The following DET1 variants were observed in gnomAD, a reference collection of about 807,000 sequenced individuals.
The protein encoded by DET1 is DET1 homolog.
DET1 carries 22 observed loss-of-function variants against 43.7 expected under a neutral mutation model. The observed-to-expected ratio is 0.50, with a 90% CI of 0.36 to 0.72. The LOEUF is 0.72. DET1 is among the 30% of genes least tolerant of loss of function. The pLI is 0.00. For missense variants in DET1, 713 were observed against 713.3 expected (o/e 1.00, Z 0.00); for synonymous variants, 315 against 266.2 (o/e 1.18, Z -1.79).
rs757902237 is a variant in DET1, at chr15:88,513,057, C to T, written c.1547G>A (p.Arg516His). Residue 516 changes from arginine (R) to histidine (H), a missense_variant, in exon 5 of 5, where the codon CGC becomes CAC. By Grantham distance (29) the Arg-to-His change is conservative (BLOSUM62 0). Coordinates refer to ENST00000268148, the MANE Select transcript of DET1 (RefSeq NM_001144074.3). ...LGRPINHTVR[R>H]LVAFTFHPFE... ...AGGGTGAAAGGTGAAGGCAACAAGG[C>T]GTCGCACTGTGTGGTTGATGGGGCG... 8 of 1,614,040 alleles carry T rather than the reference C, an allele frequency of 5.0e-6. No individual in the cohort carries two copies. The highest frequency in any genetic ancestry group is 1.3e-5 in the African/African-American group (1 of 75,064).
intron 4 of DET1, among the ~76,000 whole-genome samples, chr15:88,515,287 C>A (rs776686319): frequency 4.6e-5 from 7 of 151,988 alleles, no homozygotes; most frequent in Non-Finnish European, 8.8e-5. Flanking sequence ...AGCCTGTAAT[C>A]CCAGCACTTT....
rs1019821295 is a variant in DET1 at position 88,531,554 on chromosome 15, G to A, written c.152C>T (p.Thr51Ile). The A allele has an allele frequency of 1.9e-6, 3 of 1,613,916 alleles. No homozygotes were observed. Among genetic ancestry groups the A allele is most frequent in the Non-Finnish European group, 2.5e-6 (3 of 1,179,900 alleles). Residue 51 changes from threonine to isoleucine, a missense_variant, in exon 2 of 5, where the codon ACA (threonine) becomes ATA (isoleucine). By Grantham distance (89) the Thr-to-Ile change is moderately conservative. Transcript: ENST00000268148. The surrounding 1 kb of genome is among the most constrained non-coding windows in gnomAD (Gnocchi z 6.2). ...AGGAGGCTTTTCAACGTTGACAACT[G>A]TGAAGTTGGGGAAGACATTCTGATG... Reference protein sequence around the residue: ...VFHQNVFPNFTVVNVEKPPCF... With the variant: ...VFHQNVFPNFIVVNVEKPPCF...
chr15:88,538,143 C>T (rs1172984258), intron 1 of DET1, among the ~76,000 whole-genome samples: 1 of 152,108 alleles, frequency 6.6e-6, no homozygotes, highest in African/African-American at 2.4e-5. Context: ...TTGTAATGCC[C>T]AAACTGGTTT....
chr15:88,536,615 T>TA (rs1207935702), intron 1 of DET1, among the ~76,000 whole-genome samples: 1 of 151,316 alleles, frequency 6.6e-6, no homozygotes, highest in Non-Finnish European at 1.5e-5. Flanking sequence ...CCATCTCTAC[T>TA]AAAAATACAA....
At chr15:88,510,777 T>C (rs547119429), downstream of DET1, among the ~76,000 whole-genome samples, 1 of 150,592 alleles carries the variant, frequency 6.6e-6, no homozygotes, top group East Asian at 1.9e-4. Context: ...TTTTGTTTTT[T>C]TTTTTTTGAG....
At chr15:88,511,142 A>G (rs1441813687), downstream of DET1, among the ~76,000 whole-genome samples, 1 of 152,070 alleles carries the variant, frequency 6.6e-6, no homozygotes, top group Non-Finnish European at 1.5e-5. Context: ...ATGATCTACT[A>G]AGTATTTCAT....
chr15:88,504,332 G>C lies in DET1; in HGVS notation c.*2066-345C>G, dbSNP rs2056117110. ...AAAGTGGCACATCATCACTTCTACT[G>C]TGTTTTATTGGTCATGCCAATCAAC... On this transcript the variant is annotated intron_variant and NMD_transcript_variant, in intron 7 of 8. Transcript: ENST00000557842. This position sits in a 1 kb window ranked among gnomAD's most constrained non-coding sequence, Gnocchi z 4.7. The C allele has an allele frequency of 6.6e-6, 1 of 152,092 alleles. No homozygotes were observed. Among genetic ancestry groups the C allele is most frequent in the Non-Finnish European group, 1.5e-5 (1 of 68,014 alleles). The allele number at this position is 152,092 out of a possible 1,614,324, so 9.4% of individuals were successfully genotyped here. A position where few individuals can be genotyped will look rare whatever the true frequency, so the allele number is the denominator to read the frequency against.
Position 88,530,522 on chromosome 15 carries a change from T to C in DET1, c.1083+101A>G, listed in dbSNP as rs2056781686. ...CCCTAGGATATCAATTCAGACTACG[T>C]GAAATGTCTATTTCTGAGGGGTGGG... On this transcript the variant is annotated intron_variant, in intron 2 of 4. Coordinates refer to ENST00000268148, the MANE Select transcript of DET1 (RefSeq NM_001144074.3). The C allele has an allele frequency of 1.3e-5, 20 of 1,499,780 alleles. 1 individual carries two copies. In the Middle Eastern group the frequency reaches 7.5e-4, roughly 56 times the overall value. 92.9% of individuals were successfully genotyped at this position (1,499,780 alleles called of 1,614,324 possible).
At chr15:88,527,480 A>G (rs8035236) in intron 3 of DET1, 119 bp downstream of exon 3, 153,110 of 872,266 alleles carry the variant, frequency 0.18, 16,549 homozygotes, top group African/African-American at 0.43. Flanking sequence ...GGTTATAATA[A>G]GCAGAATAAC....
At chr15:88,533,186 C>T (rs990310333) in intron 1 of DET1, among the ~76,000 whole-genome samples, 2 of 152,176 alleles carry the variant, frequency 1.3e-5, no homozygotes, top group African/African-American at 4.8e-5. Context: ...AAGATAGATG[C>T]TCAACATCAC....
chr15:88,524,956 A>T (rs1350211661), intron 3 of DET1, among the ~76,000 whole-genome samples: 1 of 151,934 alleles, frequency 6.6e-6, no homozygotes, highest in Non-Finnish European at 1.5e-5. Flanking sequence ...AAATACTATT[A>T]AAAAAAAATT....
intron 1 of DET1, among the ~76,000 whole-genome samples, chr15:88,536,795 A>G (rs1236339326): frequency 2.0e-5 from 3 of 151,346 alleles, no homozygotes; most frequent in Non-Finnish European, 4.4e-5. Flanking sequence ...AAAAAGGAAC[A>G]AACTAGATAA....
At chr15:88,503,262 CAAAAAAA>C (rs2056106205) in intron 8 of DET1, 1 of 148,758 alleles carries the variant, frequency 6.7e-6, no homozygotes, top group South Asian at 2.1e-4. Flanking sequence ...GACTCTGTCT[CAAAAAAA>C]TAAAAAATAA....
rs769110856 is a variant in DET1 at position 88,516,970 on chromosome 15, G to A, written c.1275C>T (p.Phe425=). The change falls in exon 4 of 5, where the codon TTC becomes TTT. Residue 425 remains phenylalanine, a synonymous_variant. Coordinates refer to ENST00000268148, the MANE Select transcript of DET1 (RefSeq NM_001144074.3). The surrounding 1 kb of genome is among the most constrained non-coding windows in gnomAD (Gnocchi z 4.4). ...NNFARQIQRR[F]KDTIINAKYG... Reference sequence around the variant, plus strand: ...ACTTGGCATTTATAATAGTGTCTTTGAACCTAAATGAAAGGACCGGTGAGG... The same window carrying A: ...ACTTGGCATTTATAATAGTGTCTTTAAACCTAAATGAAAGGACCGGTGAGG... 3 of 1,574,490 alleles carry A rather than the reference G, an allele frequency of 1.9e-6. No homozygotes were observed. Among genetic ancestry groups the A allele is most frequent in the African/African-American group, 1.4e-5 (1 of 73,368 alleles).
Position 88,530,660 on chromosome 15 carries a change from T to G in DET1, c.1046A>C (p.Glu349Ala), listed in dbSNP as rs1375330289. ...TGTGACTCGCAGTGTTACTACATCCTCACTAGTGTACTTGATAAACAGGTG... is the reference window on the plus strand; with the variant it reads ...TGTGACTCGCAGTGTTACTACATCCGCACTAGTGTACTTGATAAACAGGTG... ...ENHLFIKYTS[E>A]DVVTLRVTDP... The change falls in exon 2 of 5, where the codon GAG becomes GCG. Residue 349 changes from glutamate (E) to alanine (A), a missense_variant. By Grantham distance (107) the Glu-to-Ala change is moderately radical. Transcript: ENST00000268148. 1.9e-6 allele frequency: 3 copies of G among 1,613,002 alleles called. No homozygotes were observed. Among genetic ancestry groups the G allele is most frequent in the Non-Finnish European group, 2.5e-6 (3 of 1,179,406 alleles).
chr15:88,508,830 G>T (rs534717305), downstream of DET1, among the ~76,000 whole-genome samples: 2 of 152,310 alleles, frequency 1.3e-5, no homozygotes, highest in Admixed American at 1.3e-4. Flanking sequence ...TAATAAAAGA[G>T]AATAAGGGGT....
chr15:88,527,581 T>C lies in DET1; in HGVS notation c.1271+18A>G. ...TTTTTCTAAAGAAAAGACTGTTGAG[T>C]CTGGTGGAACAGCTTACCGGCGCTG... On this transcript the variant is annotated intron_variant, in intron 3 of 4. Transcript: ENST00000268148. 1 of 1,569,840 alleles carries C rather than the reference T, an allele frequency of 6.4e-7. No individual in the cohort carries two copies. The highest frequency in any genetic ancestry group is 8.6e-7 in the Non-Finnish European group (1 of 1,156,622).
chr15:88,534,123 C>T (rs1216499062), intron 1 of DET1, among the ~76,000 whole-genome samples: 6 of 152,032 alleles, frequency 3.9e-5, no homozygotes, highest in African/African-American at 1.4e-4. Flanking sequence ...TTTAAAATCA[C>T]AATAAAAATA....
chr15:88,522,855 G>C (rs2056537275), intron 3 of DET1, among the ~76,000 whole-genome samples: 1 of 150,320 alleles, frequency 6.7e-6, no homozygotes, highest in Non-Finnish European at 1.5e-5. Flanking sequence ...AATTGATTCA[G>C]CGAATGTAAC....
Sources: gnomAD v4.1 joint callset for allele counts (sites outside exome capture counted in the v4.1 genomes callset) on GRCh38, gnomAD v4.1.1 for gene constraint, Gnocchi (gnomAD v3.1) non-coding constraint, MANE v1.5 for transcripts, NCBI Gene and HGNC (gene_info 2026-07-23, HGNC 2026-07-21) for gene names.